SGSM1: variants seen among roughly 807,000 people sequenced by gnomAD.
SGSM1 encodes RUN and TBC1 domain containing 2.
SGSM1 carries 73 observed loss-of-function variants against 133.8 expected under a neutral mutation model. The ratio of observed to expected loss-of-function variants is 0.55; its 90% CI spans 0.45 to 0.66. SGSM1 has a LOEUF of 0.66. Ranked by LOEUF, SGSM1 falls within the 30% of genes least tolerant of loss-of-function variation. SGSM1 has a pLI of 0.00. For synonymous variants in SGSM1, 563 were observed against 573.0 expected, an observed-to-expected ratio of 0.98 and a Z score of 0.25; for missense variants, 1,213 against 1,448.1, an observed-to-expected ratio of 0.84 and a Z score of 2.64.
intron 12 of SGSM1, among the ~76,000 whole-genome samples, chr22:24,870,223 C>CT (rs748863161): frequency 3.3e-5 from 5 of 152,224 alleles, no homozygotes; most frequent in Non-Finnish European, 7.3e-5. Flanking sequence ...GCCCACTATC[C>CT]TGGCTGGACA....
intron 2 of SGSM1, among the ~76,000 whole-genome samples, chr22:24,816,109 G>A (rs1450403337): frequency 6.6e-6 from 1 of 152,168 alleles, no homozygotes; most frequent in Non-Finnish European, 1.5e-5. Context: ...AATTAGAATT[G>A]TAGCAACTAC....
At chr22:24,824,312 G>T (rs2147799364) in intron 2 of SGSM1, among the ~76,000 whole-genome samples, 1 of 152,304 alleles carries the variant, frequency 6.6e-6, no homozygotes, top group Non-Finnish European at 1.5e-5. Flanking sequence ...TGTGACCAGA[G>T]CCTAGGGTGT....
At position 24,847,733 on chromosome 22, in the gene SGSM1, ACTT is replaced by A. The variant is rs1930230169; in HGVS notation, c.241_243del (p.Phe81del). The A allele has an allele frequency of 5.0e-6, 8 of 1,613,910 alleles. No homozygotes were observed. The East Asian group carries it at 1.8e-4, about 36-fold the overall frequency. On this transcript the variant is annotated inframe_deletion, in exon 4 of 25. Transcript: ENST00000400358. ...GCCCTCTTTATGAAAGTGGGCAAGA[ACTT>A]CCCGCCGGCTGAGGATCTGAGCCGC...
intron 18 of SGSM1, among the ~76,000 whole-genome samples, chr22:24,896,901 C>T (rs531665770): frequency 5.3e-5 from 8 of 152,062 alleles, no homozygotes; most frequent in African/African-American, 1.2e-4. Context: ...TGCTTGAACC[C>T]GGGAGGCGGA....
At chr22:24,828,148 G>A (rs1928902185) in intron 2 of SGSM1, among the ~76,000 whole-genome samples, 2 of 152,030 alleles carry the variant, frequency 1.3e-5, no homozygotes, top group South Asian at 4.2e-4. Context: ...CCCTTCTCAT[G>A]GGTTTCCTAG....
At chr22:24,863,901 C>T (rs1931302446) in intron 9 of SGSM1, among the ~76,000 whole-genome samples, 1 of 149,336 alleles carries the variant, frequency 6.7e-6, no homozygotes, top group Non-Finnish European at 1.5e-5. Context: ...GCCACCACGC[C>T]TGACTAATTT....
chr22:24,901,796 A>C, intron 19 of SGSM1, 37 bp from the exon 20 acceptor site: 13 of 1,601,362 alleles, frequency 8.1e-6, no homozygotes, highest in Non-Finnish European at 1.1e-5. Flanking sequence ...GTGATTTTTC[A>C]TTTCTTCCCC....
rs1934236004 is a variant in SGSM1 at position 24,927,352 on chromosome 22, G to A, written c.*3078G>A. ...AAACACACACTGTCTCTTGGTCTCA[G>A]CTTCTCTGGCATAAAGTCATTTCTG... On this transcript the variant is annotated 3_prime_UTR_variant, in exon 25 of 25. Transcript: ENST00000400358. 1 of 152,234 alleles carries A rather than the reference G, an allele frequency of 6.6e-6. No individual in the cohort carries two copies. Among genetic ancestry groups the A allele is most frequent in the Non-Finnish European group, 1.5e-5 (1 of 68,072 alleles). 9.4% of individuals were successfully genotyped at this position (152,234 alleles called of 1,614,324 possible).
In SGSM1 at chr22:24,840,996, G is replaced by A. The variant is rs561839464; in HGVS notation, c.64-3901G>A. Reference sequence around the variant, plus strand: ...CTCTCGAGTAGCTGGGACTACAGGCGCCCACCACCACGCCCGGCTAATTTT... The same window carrying A: ...CTCTCGAGTAGCTGGGACTACAGGCACCCACCACCACGCCCGGCTAATTTT... On this transcript the variant is annotated intron_variant, in intron 2 of 24. Coordinates refer to ENST00000400358, the MANE Select transcript of SGSM1 (RefSeq NM_001098497.3). 1.2e-4 allele frequency among the ~76,000 whole-genome samples: 19 copies of A among 152,004 alleles called. No homozygotes were observed. In the East Asian group the frequency reaches 1.4e-3, roughly 11 times the overall value.
Position 24,898,111 on chromosome 22 carries a change from C to T in SGSM1, c.2162C>T (p.Ser721Phe). Reference sequence around the variant, plus strand: ...GGTCATCCTTCCTCCCATAACTTCTCCTCGGGCCTCTCAGAGCACTCAGAG... The same window carrying T: ...GGTCATCCTTCCTCCCATAACTTCTTCTCGGGCCTCTCAGAGCACTCAGAG... ...DSGHPSSHNF[S>F]SGLSEHSEPS... The change falls in exon 19 of 25, where the codon TCC becomes TTC. Residue 721 changes from serine (S) to phenylalanine (F), a missense_variant. Physicochemically the swap from Ser to Phe is radical, Grantham distance 155. Coordinates refer to ENST00000400358, the MANE Select transcript of SGSM1 (RefSeq NM_001098497.3). The T allele has an allele frequency of 6.2e-7, 1 of 1,613,980 alleles. No homozygotes were observed. Among genetic ancestry groups the T allele is most frequent in the South Asian group, 1.1e-5 (1 of 91,076 alleles).
intron 9 of SGSM1, among the ~76,000 whole-genome samples, chr22:24,864,723 T>A (rs530616560): frequency 6.6e-6 from 1 of 152,100 alleles, no homozygotes; most frequent in Non-Finnish European, 1.5e-5. Flanking sequence ...CTTTTGGGGG[T>A]GGTAAAAATG....
chr22:24,846,178 A>G (rs1930140385), intron 3 of SGSM1, among the ~76,000 whole-genome samples: 1 of 151,260 alleles, frequency 6.6e-6, no homozygotes, highest in South Asian at 2.1e-4. Flanking sequence ...AGCTGGGACC[A>G]CAAGTATGTG....
At chr22:24,905,788 C>CAAA (rs539155528) in intron 21 of SGSM1, among the ~76,000 whole-genome samples, 5 of 88,548 alleles carry the variant, frequency 5.6e-5, no homozygotes, top group African/African-American at 1.5e-4. Flanking sequence ...GACTCTGTCT[C>CAAA]AAAAAAAAAA....
intron 10 of SGSM1, 126 bp from the exon 11 acceptor site, chr22:24,868,250 C>A (rs1214845203): frequency 2.2e-6 from 3 of 1,340,264 alleles, no homozygotes; most frequent in Non-Finnish European, 3.0e-6. Context: ...AGGACTTTCC[C>A]AGAGCCTCAG....
rs561572797 is a variant in SGSM1 at position 24,912,582 on chromosome 22, A to G, written c.2819-61A>G. The G allele has an allele frequency of 9.6e-5, 109 of 1,133,468 alleles. No individual in the cohort carries two copies. The African/African-American group carries it at 1.1e-3, about 11-fold the overall frequency. The allele number at this position is 1,133,468 out of a possible 1,614,324, so 70.2% of individuals were successfully genotyped here. On this transcript the variant is annotated intron_variant, in intron 21 of 24. Transcript: ENST00000400358. The stretch of plus-strand genomic sequence containing the variant: ...TTCAACATGAGATTTGGAGAGGACA[A>G]ACATCTGAACCATATCACTTGGGCA...
chr22:24,881,621 G>A (rs1932337571), intron 14 of SGSM1, among the ~76,000 whole-genome samples: 1 of 152,004 alleles, frequency 6.6e-6, no homozygotes. Flanking sequence ...AACAAAAATA[G>A]TTATGCAACT....
chr22:24,914,516 G>C (rs146637608), intron 22 of SGSM1, among the ~76,000 whole-genome samples: 1 of 151,080 alleles, frequency 6.6e-6, no homozygotes, highest in Non-Finnish European at 1.5e-5. Flanking sequence ...TTCATTATTC[G>C]TGTACCCCTT....
At chr22:24,817,857 C>G (rs1373252573) in intron 2 of SGSM1, among the ~76,000 whole-genome samples, 1 of 152,188 alleles carries the variant, frequency 6.6e-6, no homozygotes, top group Non-Finnish European at 1.5e-5. Flanking sequence ...GGCCTTCTTC[C>G]TTTTTGCACA....
intron 9 of SGSM1, among the ~76,000 whole-genome samples, chr22:24,864,363 C>A (rs1194256472): frequency 3.3e-5 from 5 of 152,228 alleles, no homozygotes; most frequent in Admixed American, 6.5e-5. Flanking sequence ...AACTTATACA[C>A]AAATGCTTAT....
Sources: gnomAD v4.1 joint callset for allele counts (sites outside exome capture counted in the v4.1 genomes callset) on GRCh38, gnomAD v4.1.1 for gene constraint, MANE v1.5 for transcripts, NCBI Gene and HGNC (gene_info 2026-07-23, HGNC 2026-07-21) for gene names.